Variants in MARCHF7 observed in about 807,000 individuals in gnomAD.
MARCHF7 encodes E3 ubiquitin-protein ligase MARCHF7.
In MARCHF7, 20 loss-of-function variants were observed where a neutral mutation model predicts 76.5. The ratio of observed to expected loss-of-function variants is 0.26; its 90% CI spans 0.18 to 0.38. The LOEUF (loss-of-function observed/expected upper bound fraction) is 0.38. MARCHF7 is among the 10% of genes least tolerant of loss of function. MARCHF7 has a pLI of 1.00. For synonymous variants in MARCHF7, 295 were observed against 293.0 expected, an observed-to-expected ratio of 1.01 and a Z score of -0.07; for missense variants, 797 against 812.9, an observed-to-expected ratio of 0.98 and a Z score of 0.24.
intron 1 of MARCHF7, among the ~76,000 whole-genome samples, chr2:159,714,289 A>G (rs754281168): frequency 4.6e-5 from 7 of 152,260 alleles, no homozygotes; most frequent in Non-Finnish European, 1.0e-4. Context: ...TAGTCAAATT[A>G]CAAATTATGG....
Position 159,761,406 on chromosome 2 carries a change from C to CTTTTTTTT in MARCHF7, c.1894-1456_1894-1449dup, listed in dbSNP as rs747902045. ...ACAATAATTATTAAGTGAATCATTT[C>CTTTTTTTT]TTTTTTTTTTTTTTTTTTTTTTTTT... On this transcript the variant is annotated intron_variant, in intron 9 of 11. Transcript: ENST00000409175. 8.9e-3 allele frequency among the ~76,000 whole-genome samples: 659 copies of CTTTTTTTT among 73,756 alleles called. 91 individuals are homozygous for CTTTTTTTT. The highest frequency in any genetic ancestry group is 0.022 in the Middle Eastern group (1 of 46). 48.4% of individuals were successfully genotyped at this position (73,756 alleles called of 152,430 possible). A position where few individuals can be genotyped will look rare whatever the true frequency, so the allele number is the denominator to read the frequency against.
chr2:159,731,946 T>C (rs1702849296), intron 4 of MARCHF7, among the ~76,000 whole-genome samples: 3 of 138,952 alleles, frequency 2.2e-5, no homozygotes, highest in East Asian at 2.3e-4. Context: ...CCACTAAAAT[T>C]ACAAAAAATT....
rs935078490 is a variant in MARCHF7, at chr2:159,755,440, G to A, written c.1783+2869G>A. The stretch of plus-strand genomic sequence containing the variant: ...AGAGCCAGGTGCTGAAGTCATTAAT[G>A]AATGAAGGGGGAATTAAGATTTGAA... On this transcript the variant is annotated intron_variant, in intron 8 of 11. Transcript: ENST00000409175. 6.6e-5 allele frequency among the ~76,000 whole-genome samples: 10 copies of A among 152,144 alleles called. No homozygotes were observed. In the East Asian group the frequency reaches 1.9e-3, roughly 29 times the overall value.
At chr2:159,720,190 T>C (rs1267959444) in intron 3 of MARCHF7, among the ~76,000 whole-genome samples, 1 of 152,164 alleles carries the variant, frequency 6.6e-6, no homozygotes, top group African/African-American at 2.4e-5. Context: ...CATGCCCCGC[T>C]AATTTTTGTA....
At chr2:159,764,045 C>T (rs1707418779) in intron 10 of MARCHF7, among the ~76,000 whole-genome samples, 1 of 152,066 alleles carries the variant, frequency 6.6e-6, no homozygotes, top group East Asian at 1.9e-4. Context: ...CATTTAAGAA[C>T]TTCTGAATTC....
intron 1 of MARCHF7, among the ~76,000 whole-genome samples, chr2:159,713,581 G>A (rs572243112): frequency 6.6e-5 from 10 of 152,280 alleles, no homozygotes; most frequent in African/African-American, 2.4e-4. Flanking sequence ...TAGGATTAAA[G>A]ATGAATTTTC....
chr2:159,763,109 A>C (rs145423269), intron 10 of MARCHF7, 116 bp downstream of exon 10: 5,272 of 510,760 alleles, frequency 0.01, 38 homozygotes, highest in Non-Finnish European at 0.013. Flanking sequence ...TTTATTTTTT[A>C]AATGTTTCTT....
chr2:159,725,223 G>A (rs1315666599), intron 3 of MARCHF7, among the ~76,000 whole-genome samples: 1 of 152,132 alleles, frequency 6.6e-6, no homozygotes, highest in South Asian at 2.1e-4. Context: ...GGGTCAAATG[G>A]TATTTCTAGT....
rs139464236 is a variant in MARCHF7, at chr2:159,723,636, C to T, written c.-14-5373C>T. The stretch of plus-strand genomic sequence containing the variant: ...TGGTTTTTCATTGTTTCCTACCATT[C>T]TTATTTCCACTGCCCACTTCCATCT... On this transcript the variant is annotated intron_variant, in intron 3 of 11. Transcript: ENST00000409175. 8.7e-4 allele frequency among the ~76,000 whole-genome samples: 132 copies of T among 152,232 alleles called. No homozygotes were observed. The Middle Eastern group carries it at 0.044, about 51-fold the overall frequency.
chr2:159,729,682 A>T (rs1458925757), intron 4 of MARCHF7, among the ~76,000 whole-genome samples: 2 of 151,978 alleles, frequency 1.3e-5, no homozygotes, highest in Non-Finnish European at 2.9e-5. Flanking sequence ...CAAAAAAAAA[A>T]AAATGCTTTC....
intron 5 of MARCHF7, among the ~76,000 whole-genome samples, chr2:159,744,180 G>T (rs1173565529): frequency 1.3e-5 from 2 of 151,194 alleles, no homozygotes; most frequent in Non-Finnish European, 2.9e-5. Flanking sequence ...GTAGAGACGG[G>T]GTTTCACCGT....
chr2:159,719,804 AAAAAC>A lies in MARCHF7; in HGVS notation c.-15+4040_-15+4044del, dbSNP rs561366218. ...ACAAGTTTTGACTAAATGCTAAACT[AAAAAC>A]AGAACAGATTAGAGACTGAGATAAA... is the stretch of plus-strand genomic sequence containing the variant. On this transcript the variant is annotated intron_variant, in intron 3 of 11. Transcript: ENST00000409175. Among the ~76,000 whole-genome samples the A allele has an allele frequency of 4.3e-4, 66 of 152,362 alleles. 1 individual carries two copies. Among genetic ancestry groups the A allele is most frequent in the Admixed American group, 7.8e-4 (12 of 15,312 alleles).
At chr2:159,724,116 T>G (rs1701920069) in intron 3 of MARCHF7, among the ~76,000 whole-genome samples, 1 of 152,244 alleles carries the variant, frequency 6.6e-6, no homozygotes, top group Non-Finnish European at 1.5e-5. Context: ...CTTGCATGTC[T>G]GAAAACATGT....
At chr2:159,716,393 T>C (rs911039253) in intron 3 of MARCHF7, among the ~76,000 whole-genome samples, 6 of 152,128 alleles carry the variant, frequency 3.9e-5, no homozygotes, top group Non-Finnish European at 5.9e-5. Flanking sequence ...ACTCCTGTAA[T>C]CCCAGCGCTT....
chr2:159,762,873 G>A lies in MARCHF7; in HGVS notation c.1894-7G>A. The A allele has an allele frequency of 6.3e-7, 1 of 1,584,006 alleles. No homozygotes were observed. The highest frequency in any genetic ancestry group is 8.6e-7 in the Non-Finnish European group (1 of 1,162,796). On this transcript the variant is annotated splice_region_variant and splice_polypyrimidine_tract_variant and intron_variant, in intron 9 of 11. Transcript: ENST00000409175. The stretch of plus-strand genomic sequence containing the variant: ...TTTCTTTTCTCCTGTTTGCTTCCCT[G>A]TTGAAGGCTGAGTATGAGTTTATCA...
chr2:159,727,114 A>G lies in MARCHF7; in HGVS notation c.-14-1895A>G, dbSNP rs76547761. Among the ~76,000 whole-genome samples, 1,031 of 152,348 alleles carry G rather than the reference A, an allele frequency of 6.8e-3. 10 individuals carry two copies. Among genetic ancestry groups the G allele is most frequent in the African/African-American group, 0.023 (972 of 41,576 alleles). On this transcript the variant is annotated intron_variant, in intron 3 of 11. Coordinates refer to ENST00000409175, the MANE Select transcript of MARCHF7 (RefSeq NM_001282805.2). ...TGATGCATAACTATGCATACAATACAATAATATTCAGCCTTAAAAAAGGAA... is the reference window on the plus strand; with the variant it reads ...TGATGCATAACTATGCATACAATACGATAATATTCAGCCTTAAAAAAGGAA...
At chr2:159,744,643 G>A (rs2125569079) in intron 5 of MARCHF7, among the ~76,000 whole-genome samples, 1 of 152,302 alleles carries the variant, frequency 6.6e-6, no homozygotes, top group East Asian at 1.9e-4. Context: ...TGATAAGCTG[G>A]AATGCCATGG....
intron 8 of MARCHF7, 30 bp from the exon 9 acceptor site, chr2:159,759,196 A>C (rs1388678608): frequency 8.1e-6 from 10 of 1,234,738 alleles, no homozygotes; most frequent in Non-Finnish European, 1.2e-5. Flanking sequence ...TTATAAAACT[A>C]AGCTTTATTT....
rs917623706 is a variant in MARCHF7 at position 159,770,872 on chromosome 2, C to T, written c.*3530C>T. 2 of 152,074 alleles carry T rather than the reference C, an allele frequency of 1.3e-5. No individual in the cohort carries two copies. The highest frequency in any genetic ancestry group is 1.9e-4 in the East Asian group (1 of 5,198). 9.4% of individuals were successfully genotyped at this position (152,074 alleles called of 1,614,324 possible). A position where few individuals can be genotyped will look rare whatever the true frequency, so the allele number is the denominator to read the frequency against. On this transcript the variant is annotated 3_prime_UTR_variant, in exon 12 of 12. Transcript: ENST00000409175. ...TGATAAGTGATACGTGACTAATTTA[C>T]GTGAAATTTATACATTCTTTATCTT...
Sources: allele counts gnomAD v4.1 joint callset (sites outside exome capture counted in the v4.1 genomes callset), GRCh38; gene constraint gnomAD v4.1.1; transcripts MANE v1.5; gene names NCBI Gene and HGNC (gene_info 2026-07-23, HGNC 2026-07-21).